The following MTMR2 variants were observed in gnomAD, a reference collection of about 807,000 sequenced individuals.
MTMR2 encodes the protein phosphatidylinositol-3,5-bisphosphate 3-phosphatase MTMR2.
MTMR2 carries 55 observed loss-of-function variants against 86.9 expected under a neutral mutation model. The observed-to-expected ratio is 0.63, with a 90% CI of 0.51 to 0.79. The LOEUF is 0.79. Ranked by LOEUF, MTMR2 falls within the 30% of genes least tolerant of loss-of-function variation. MTMR2 has a pLI of 0.00. For missense variants in MTMR2, 659 were observed against 772.3 expected (o/e 0.85, Z 1.74); for synonymous variants, 241 against 266.8 (o/e 0.90, Z 0.94).
chr11:95,841,260 A>G (rs1278723388), intron 12 of MTMR2, among the ~76,000 whole-genome samples: 1 of 152,112 alleles, frequency 6.6e-6, no homozygotes, highest in Non-Finnish European at 1.5e-5. Flanking sequence ...TAACAGTTAA[A>G]GTTACTTAAA....
At position 95,923,976 on chromosome 11, in the gene MTMR2, G is replaced by A. The variant is rs1224618179; in HGVS notation, c.-22C>T. 4 of 1,554,030 alleles carry A rather than the reference G, an allele frequency of 2.6e-6. No individual in the cohort carries two copies. The South Asian group carries it at 3.6e-5, about 14-fold the overall frequency. On this transcript the variant is annotated 5_prime_UTR_variant, in exon 1 of 15. Coordinates refer to ENST00000346299, the MANE Select transcript of MTMR2 (RefSeq NM_016156.6). ...CCATCGCGCGGCAGGGGCAGCACAG[G>A]GAAAGGCTGAAGCAGTCTTCGCGGC...
intron 1 of MTMR2, among the ~76,000 whole-genome samples, chr11:95,904,489 G>A (rs574835739): frequency 6.6e-6 from 1 of 152,262 alleles, no homozygotes; most frequent in African/African-American, 2.4e-5. Context: ...ATCACAGGAT[G>A]AGATAAGAGG....
rs147341114 is a variant in MTMR2, at chr11:95,862,360, T to A, written c.269A>T (p.Asp90Val). Residue 90 changes from aspartate (D) to valine (V), a missense_variant, in exon 4 of 15, where the codon GAT becomes GTT. Coordinates refer to ENST00000346299, the MANE Select transcript of MTMR2 (RefSeq NM_016156.6). ...PGENIKDMAK[D>V]VTYICPFTGA... ...AGTGAATGGACATATATAAGTTACA[T>A]CTTTGGCTGAAAAAGCAAGAAGTCC... 1.9e-6 allele frequency: 3 copies of A among 1,613,770 alleles called. No homozygotes were observed. The highest frequency in any genetic ancestry group is 2.2e-5 in the East Asian group (1 of 44,854).
At chr11:95,899,529 GTGATACAACAA>G (rs1196254666) in intron 1 of MTMR2, among the ~76,000 whole-genome samples, 1 of 151,906 alleles carries the variant, frequency 6.6e-6, no homozygotes, top group African/African-American at 2.4e-5. Flanking sequence ...AGATATAAGT[GTGATACAACAA>G]TGTTATATAT....
rs182648820 is a variant in MTMR2 at position 95,889,827 on chromosome 11, G to A, written c.81-1566C>T. ...TAAAATTATTTAAGGTAAGATCAAT[G>A]GTAGAAAAACCTCAAATACTTTGAA... On this transcript the variant is annotated intron_variant, in intron 1 of 14. Transcript: ENST00000346299. 6.8e-4 allele frequency among the ~76,000 whole-genome samples: 103 copies of A among 152,136 alleles called. 1 individual carries two copies. In the East Asian group the frequency reaches 0.016, roughly 23 times the overall value.
intron 1 of MTMR2, among the ~76,000 whole-genome samples, chr11:95,889,441 G>A (rs1003628085): frequency 8.9e-5 from 13 of 146,586 alleles, no homozygotes; most frequent in South Asian, 2.2e-4. Context: ...CCAAACTTTC[G>A]ATACCTGATC....
At chr11:95,919,310 A>C (rs956502707) in intron 1 of MTMR2, among the ~76,000 whole-genome samples, 4 of 152,256 alleles carry the variant, frequency 2.6e-5, no homozygotes, top group African/African-American at 9.6e-5. Flanking sequence ...GATAATTTTA[A>C]GGCAGGCATG....
chr11:95,870,131 A>C (rs1864798595), intron 2 of MTMR2, among the ~76,000 whole-genome samples: 1 of 152,326 alleles, frequency 6.6e-6, no homozygotes, highest in South Asian at 2.1e-4. Context: ...ATTTACTTTG[A>C]AATGCATCAA....
chr11:95,845,232 A>G lies in MTMR2; in HGVS notation c.1180-73T>C. 3 of 1,230,322 alleles carry G rather than the reference A, an allele frequency of 2.4e-6. No homozygotes were observed. The Admixed American group carries it at 5.8e-5, about 24-fold the overall frequency. The allele number at this position is 1,230,322 out of a possible 1,614,324, so 76.2% of individuals were successfully genotyped here. The stretch of plus-strand genomic sequence containing the variant: ...TTCCTTCTTCAAAATTTACTAATAC[A>G]GCTTATCAGGGATCATTATTTCAAT... On this transcript the variant is annotated intron_variant, in intron 10 of 14. Transcript: ENST00000346299.
chr11:95,898,263 A>T lies in MTMR2; in HGVS notation c.81-10002T>A, dbSNP rs949048637. ...ATTACTAATGGCCTGGTTGGTTTTT[A>T]AAAAAAAAAAAAAAAAGTTTTTTTC... is the stretch of plus-strand genomic sequence containing the variant. On this transcript the variant is annotated intron_variant, in intron 1 of 14. Coordinates refer to ENST00000346299, the MANE Select transcript of MTMR2 (RefSeq NM_016156.6). Among the ~76,000 whole-genome samples, 33 of 85,068 alleles carry T rather than the reference A, an allele frequency of 3.9e-4. 1 individual carries two copies. The highest frequency in any genetic ancestry group is 2.5e-3 in the East Asian group (9 of 3,650). 55.8% of individuals were successfully genotyped at this position (85,068 alleles called of 152,430 possible).
Position 95,841,707 on chromosome 11 carries a change from T to C in MTMR2, c.1389A>G (p.Arg463=), listed in dbSNP as rs2135417320. 6.2e-7 allele frequency: 1 copy of C among 1,609,718 alleles called. No homozygotes were observed. The highest frequency in any genetic ancestry group is 8.5e-7 in the Non-Finnish European group (1 of 1,176,110). Residue 463 remains arginine (R), a splice_region_variant and synonymous_variant, in exon 12 of 15, where the codon AGA becomes AGG. Coordinates refer to ENST00000346299, the MANE Select transcript of MTMR2 (RefSeq NM_016156.6). The part of the protein sequence containing the change: ...WLSFGHRFQL[R]VGHGDKNHAD... ...CATGGTTCTTATCTCCATGGCCAAC[T>C]CTCTGAAGCAAAAAGAGTGAAATAT...
chr11:95,917,381 T>C, intron 1 of MTMR2, among the ~76,000 whole-genome samples: 1 of 152,208 alleles, frequency 6.6e-6, no homozygotes, highest in South Asian at 2.1e-4. Flanking sequence ...ACTTACTGCT[T>C]TCTGGTCATC....
chr11:95,887,755 A>G lies in MTMR2; in HGVS notation c.186+401T>C, dbSNP rs536314335. The G allele has an allele frequency of 2.2e-4, 48 of 213,544 alleles. No homozygotes were observed. The South Asian group carries it at 3.5e-3, about 15-fold the overall frequency. The allele number at this position is 213,544 out of a possible 1,614,324, so 13.2% of individuals were successfully genotyped here. A position where few individuals can be genotyped will look rare whatever the true frequency, so the allele number is the denominator to read the frequency against. ...TATTACTTAATCTCTACAAGTTATT[A>G]TCATCTGTAGAATGGTGACAGAATT... On this transcript the variant is annotated intron_variant, in intron 2 of 14. Coordinates refer to ENST00000346299, the MANE Select transcript of MTMR2 (RefSeq NM_016156.6).
intron 2 of MTMR2, among the ~76,000 whole-genome samples, chr11:95,883,876 A>G (rs970563452): frequency 1.3e-5 from 2 of 152,184 alleles, no homozygotes; most frequent in African/African-American, 4.8e-5. Flanking sequence ...ATAGCAAAAA[A>G]CCTACACAAT....
At chr11:95,860,288 G>A (rs994412483) in intron 5 of MTMR2, among the ~76,000 whole-genome samples, 3 of 152,072 alleles carry the variant, frequency 2.0e-5, no homozygotes, top group African/African-American at 7.2e-5. Context: ...GATCACTTGA[G>A]GCCAGGAGTT....
chr11:95,862,228 AAC>A, intron 4 of MTMR2, 42 bp downstream of exon 4: 1 of 1,552,122 alleles, frequency 6.4e-7, no homozygotes. Flanking sequence ...ACTAGCTACA[AAC>A]AACACACTCA....
At chr11:95,881,966 C>T (rs185749314) in intron 2 of MTMR2, among the ~76,000 whole-genome samples, 5 of 152,080 alleles carry the variant, frequency 3.3e-5, no homozygotes, top group Admixed American at 2.0e-4. Flanking sequence ...TACCCTTTAT[C>T]GGGCTAAGGT....
chr11:95,896,268 T>C (rs1364780944), intron 1 of MTMR2, among the ~76,000 whole-genome samples: 4 of 152,054 alleles, frequency 2.6e-5, no homozygotes, highest in African/African-American at 9.7e-5. Flanking sequence ...ACAACCAGTC[T>C]CTTCTTACGT....
At position 95,835,101 on chromosome 11, in the gene MTMR2, A is replaced by G. The variant is rs1403587983; in HGVS notation, c.*189T>C. The G allele has an allele frequency of 4.9e-6, 3 of 611,506 alleles. No individual in the cohort carries two copies. The African/African-American group carries it at 5.6e-5, about 11-fold the overall frequency. The allele number at this position is 611,506 out of a possible 1,614,324, so 37.9% of individuals were successfully genotyped here. On this transcript the variant is annotated 3_prime_UTR_variant, in exon 15 of 15. Coordinates refer to ENST00000346299, the MANE Select transcript of MTMR2 (RefSeq NM_016156.6). ...ATTAGTATCATAATCATGTAATTAC[A>G]TATGGAGTTACTTCACTTAAGCCAC...
Sources: gnomAD v4.1 joint callset for allele counts (sites outside exome capture counted in the v4.1 genomes callset) on GRCh38, gnomAD v4.1.1 for gene constraint, MANE v1.5 for transcripts, NCBI Gene and HGNC (gene_info 2026-07-23, HGNC 2026-07-21) for gene names.